TBL1X: variants seen among roughly 807,000 people sequenced by gnomAD.
The protein encoded by TBL1X is transducin beta like 1 X-linked, also known as F-box-like/WD repeat-containing protein TBL1X.
Under a neutral mutation model 50.7 loss-of-function variants are expected in TBL1X, and 10 were observed. That is an observed-to-expected ratio of 0.20 (90% CI 0.12 to 0.33). The LOEUF (loss-of-function observed/expected upper bound fraction) is 0.33. Ranked by LOEUF, TBL1X falls within the 10% of genes least tolerant of loss-of-function variation. The pLI, the probability that TBL1X is intolerant of heterozygous loss-of-function variation, is 1.00. For missense variants in TBL1X, 340 were observed against 504.4 expected (o/e 0.67, Z 3.12); for synonymous variants, 190 against 214.7 (o/e 0.88, Z 1.01).
chrX:9,672,033 A>G (rs947014110), intron 5 of TBL1X, among the ~76,000 whole-genome samples: 8 of 112,467 alleles, frequency 7.1e-5, no homozygotes, highest in African/African-American at 2.6e-4. Context: ...ACAGGGAGAA[A>G]AAGCAATTAG....
At chrX:9,609,207 T>C (rs930343716) in intron 2 of TBL1X, among the ~76,000 whole-genome samples, 2 of 112,020 alleles carry the variant, frequency 1.8e-5, no homozygotes, top group Non-Finnish European at 3.8e-5. Flanking sequence ...TTCATAATTC[T>C]TTTCCAATTA....
intron 2 of TBL1X, among the ~76,000 whole-genome samples, chrX:9,610,241 T>C (rs5934661): frequency 0.072 from 8,108 of 112,475 alleles, 257 homozygotes; most frequent in Middle Eastern, 0.13. Flanking sequence ...TACAAGAGCA[T>C]GCGGAGGCTG....
intron 5 of TBL1X, among the ~76,000 whole-genome samples, chrX:9,679,039 C>A (rs1442743510): frequency 9.2e-6 from 1 of 108,561 alleles, no homozygotes; most frequent in Non-Finnish European, 1.9e-5. Flanking sequence ...TCTTTTTTTT[C>A]TCCCTGGGAA....
chrX:9,695,578 C>G (rs1443637444), intron 11 of TBL1X, among the ~76,000 whole-genome samples: 2 of 112,340 alleles, frequency 1.8e-5, no homozygotes, highest in Non-Finnish European at 3.8e-5. Flanking sequence ...CTTTATCAAG[C>G]AGTTCACTAC....
intron 2 of TBL1X, among the ~76,000 whole-genome samples, chrX:9,581,971 G>A (rs1034580940): frequency 8.9e-6 from 1 of 112,047 alleles, no homozygotes; most frequent in African/African-American, 3.2e-5. Flanking sequence ...TCTTTGCAGG[G>A]CAGTTTAGGT....
Position 9,465,161 on chromosome X carries a change from G to A in TBL1X, c.-487G>A. ...CCGCCGCCGCCGCGCCCGCCTCAGC[G>A]CCCCCACTCCGCGCTTGGGAGCGAG... On this transcript the variant is annotated 5_prime_UTR_variant, in exon 1 of 18. Transcript: ENST00000645353. 1 of 112,891 alleles carries A rather than the reference G, an allele frequency of 8.9e-6. No individual in the cohort carries two copies. Among genetic ancestry groups the A allele is most frequent in the East Asian group, 2.8e-4 (1 of 3,578 alleles). 9.3% of individuals were successfully genotyped at this position (112,891 alleles called of 1,213,427 possible).
At chrX:9,502,680 C>T (rs745920413) in intron 2 of TBL1X, among the ~76,000 whole-genome samples, 3 of 112,506 alleles carry the variant, frequency 2.7e-5, no homozygotes, top group Non-Finnish European at 5.6e-5. Context: ...TCCTAGAGAG[C>T]AGGGACCATT....
intron 16 of TBL1X, 26 bp downstream of exon 16, chrX:9,711,802 T>A: frequency 8.6e-7 from 1 of 1,163,604 alleles, no homozygotes; most frequent in Non-Finnish European, 1.2e-6. Flanking sequence ...CTACACCAAA[T>A]CCTTTTAGTA....
At chrX:9,486,157 C>T (rs1049645801) in intron 1 of TBL1X, among the ~76,000 whole-genome samples, 10 of 111,090 alleles carry the variant, frequency 9.0e-5, no homozygotes, top group Admixed American at 4.8e-4. Context: ...AAGCCTGCTA[C>T]CTGGAGGCAT....
At chrX:9,509,878 G>C (rs957149996) in intron 2 of TBL1X, among the ~76,000 whole-genome samples, 1 of 110,939 alleles carries the variant, frequency 9.0e-6, no homozygotes, top group African/African-American at 3.3e-5. Flanking sequence ...CTGCGAGTCT[G>C]TGTTGACTGT....
At chrX:9,497,773 C>CCTCCCTCTCT (rs1555959591) in intron 1 of TBL1X, among the ~76,000 whole-genome samples, 2 of 76,315 alleles carry the variant, frequency 2.6e-5, no homozygotes, top group Non-Finnish European at 4.9e-5. Flanking sequence ...TCCCTCCCTC[C>CCTCCCTCTCT]CTCTCTCTCT....
At chrX:9,655,425 C>T (rs1173599075) in intron 5 of TBL1X, among the ~76,000 whole-genome samples, 2 of 111,166 alleles carry the variant, frequency 1.8e-5, no homozygotes, top group East Asian at 5.7e-4. Context: ...AGATTGGATT[C>T]GGAATTTACC....
intron 5 of TBL1X, among the ~76,000 whole-genome samples, chrX:9,679,920 G>A (rs2083015688): frequency 8.9e-6 from 1 of 111,952 alleles, no homozygotes. Context: ...GTTAGTATGG[G>A]CTATAACCAA....
At chrX:9,507,024 C>G (rs1347122463) in intron 2 of TBL1X, among the ~76,000 whole-genome samples, 1 of 112,086 alleles carries the variant, frequency 8.9e-6, no homozygotes, top group African/African-American at 3.2e-5. Flanking sequence ...CCTTTGAAAA[C>G]TGGTACAAAA....
chrX:9,677,106 T>A (rs17321092), intron 5 of TBL1X, among the ~76,000 whole-genome samples: 2 of 110,810 alleles, frequency 1.8e-5, no homozygotes, highest in Admixed American at 1.9e-4. Flanking sequence ...TCCTCATCCT[T>A]GGCCTCTCTC....
intron 5 of TBL1X, among the ~76,000 whole-genome samples, chrX:9,659,870 G>T (rs1160687560): frequency 8.9e-6 from 1 of 112,435 alleles, no homozygotes; most frequent in Non-Finnish European, 1.9e-5. Context: ...TTCCTTTGAG[G>T]ATTTGCAGCT....
At chrX:9,698,472 C>T (rs1293333443) in intron 12 of TBL1X, among the ~76,000 whole-genome samples, 1 of 112,008 alleles carries the variant, frequency 8.9e-6, no homozygotes, top group African/African-American at 3.2e-5. Context: ...TCCCAGTGGA[C>T]TCTCACAGGC....
At chrX:9,569,260 CTG>C (rs1468827186) in intron 2 of TBL1X, among the ~76,000 whole-genome samples, 2 of 95,794 alleles carry the variant, frequency 2.1e-5, no homozygotes, top group African/African-American at 8.0e-5. Context: ...GTGTGGTGTG[CTG>C]TGTGTGTGTC....
chrX:9,503,426 G>T (rs755716364), intron 2 of TBL1X, among the ~76,000 whole-genome samples: 1 of 113,284 alleles, frequency 8.8e-6, no homozygotes, highest in East Asian at 2.8e-4. Flanking sequence ...CCTCGGGGAG[G>T]GGTGACCAGT....
Sources: allele counts gnomAD v4.1 joint callset (sites outside exome capture counted in the v4.1 genomes callset), GRCh38; gene constraint gnomAD v4.1.1; transcripts MANE v1.5; gene names NCBI Gene and HGNC (gene_info 2026-07-23, HGNC 2026-07-21).